The following EYS variants were observed in gnomAD, a reference collection of about 807,000 sequenced individuals.
The protein encoded by EYS is EGF-like photoreceptor maintenance factor, also known as protein eyes shut homolog.
A neutral mutation model predicts 282.1 loss-of-function variants in EYS; 250 were observed. That is an observed-to-expected ratio of 0.89 (90% CI 0.80 to 0.98). The LOEUF is 0.98. Ranked by LOEUF, EYS falls within the 50% of genes least tolerant of loss-of-function variation. The pLI is 0.00. For missense variants in EYS, 4,016 were observed against 3,709.0 expected (o/e 1.08, Z -2.15); for synonymous variants, 1,355 against 1,282.9 (o/e 1.06, Z -1.20).
intron 19 of EYS, among the ~76,000 whole-genome samples, chr6:64,856,038 C>T (rs1307564978): frequency 6.6e-6 from 1 of 152,064 alleles, no homozygotes; most frequent in Admixed American, 6.6e-5. Flanking sequence ...GGGCTTCCAG[C>T]TTTCAACAAT....
chr6:64,538,960 G>T (rs1435262570), intron 26 of EYS, among the ~76,000 whole-genome samples: 1 of 152,132 alleles, frequency 6.6e-6, no homozygotes, highest in African/African-American at 2.4e-5. Flanking sequence ...GAGCCCAGAT[G>T]TGCTCTAAAT....
intron 5 of EYS, among the ~76,000 whole-genome samples, chr6:65,430,415 G>T (rs1417122698): frequency 6.6e-6 from 1 of 152,122 alleles, no homozygotes; most frequent in Non-Finnish European, 1.5e-5. Context: ...ACCTCACACT[G>T]AGGTCCAAAA....
At chr6:63,796,637 A>G (rs889859638) in intron 37 of EYS, among the ~76,000 whole-genome samples, 1 of 152,166 alleles carries the variant, frequency 6.6e-6, no homozygotes, top group Admixed American at 6.5e-5. Context: ...TTATTCCTCT[A>G]AATATGATAA....
intron 35 of EYS, among the ~76,000 whole-genome samples, chr6:63,943,751 C>G (rs532386789): frequency 6.6e-6 from 1 of 152,284 alleles, no homozygotes; most frequent in East Asian, 1.9e-4. Context: ...TAGCATTTCT[C>G]CAGATAGATA....
intron 7 of EYS, among the ~76,000 whole-genome samples, chr6:65,396,603 G>A (rs940300716): frequency 6.6e-6 from 1 of 152,034 alleles, no homozygotes; most frequent in East Asian, 1.9e-4. Context: ...TATTTCTGAC[G>A]GGTATATGAG....
rs372948826 is a variant in EYS, at chr6:64,886,753, T to G, written c.2936A>C (p.Glu979Ala). ...TCCATCAGTCCTGTAGACACAATTT[T>G]CTTCATCTAGACAAGGTGAGATTTT... The part of the protein sequence containing the change: ...KCKISPCLDE[E>A]NCVYRTDGYN... The change falls in exon 19 of 43, where the codon GAA becomes GCA. Residue 979 changes from glutamate (E) to alanine (A), a missense_variant. Coordinates refer to ENST00000503581, the MANE Select transcript of EYS (RefSeq NM_001142800.2). The G allele has an allele frequency of 5.8e-6, 9 of 1,547,962 alleles. No individual in the cohort carries two copies. The East Asian group carries it at 9.8e-5, about 17-fold the overall frequency.
intron 18 of EYS, among the ~76,000 whole-genome samples, chr6:64,892,814 T>C (rs754157045): frequency 1.3e-5 from 2 of 152,110 alleles, no homozygotes; most frequent in Non-Finnish European, 2.9e-5. Context: ...TTGATGACTG[T>C]TTCTAGGCAA....
chr6:64,731,212 G>A (rs1176005079), intron 22 of EYS, among the ~76,000 whole-genome samples: 1 of 152,048 alleles, frequency 6.6e-6, no homozygotes, highest in Non-Finnish European at 1.5e-5. Flanking sequence ...CCAGGACATA[G>A]GCATGGGCAA....
chr6:64,354,664 G>T (rs1422838834), intron 29 of EYS, among the ~76,000 whole-genome samples: 1 of 151,404 alleles, frequency 6.6e-6, no homozygotes, highest in Admixed American at 6.6e-5. Context: ...AATTGTCTCT[G>T]CATACTATGT....
chr6:65,669,710 A>C (rs1768320262), intron 1 of EYS, among the ~76,000 whole-genome samples: 1 of 151,844 alleles, frequency 6.6e-6, no homozygotes, highest in Admixed American at 6.6e-5. Flanking sequence ...ACCTTGTTTC[A>C]TTTTTTCTGT....
At chr6:64,779,151 A>G (rs1028397447) in intron 22 of EYS, among the ~76,000 whole-genome samples, 6 of 152,162 alleles carry the variant, frequency 3.9e-5, no homozygotes, top group Non-Finnish European at 8.8e-5. Flanking sequence ...GAATTTACCA[A>G]AGTAAATTGA....
chr6:63,758,199 G>T (rs1210942291), intron 41 of EYS, among the ~76,000 whole-genome samples: 1 of 152,122 alleles, frequency 6.6e-6, no homozygotes, highest in Non-Finnish European at 1.5e-5. Context: ...TACTGCACCT[G>T]GCTGAGTATT....
chr6:65,388,398 A>T (rs12199275), intron 7 of EYS, among the ~76,000 whole-genome samples: 62,731 of 151,736 alleles, frequency 0.41, 13,974 homozygotes, highest in South Asian at 0.5. Context: ...ATAAATTAAA[A>T]CCGATAAAAG....
At chr6:65,471,381 G>A (rs1765211646) in intron 5 of EYS, among the ~76,000 whole-genome samples, 1 of 151,948 alleles carries the variant, frequency 6.6e-6, no homozygotes, top group Non-Finnish European at 1.5e-5. Flanking sequence ...GGGCAACAAC[G>A]TGAGACCCTG....
intron 33 of EYS, among the ~76,000 whole-genome samples, chr6:64,025,488 G>C (rs959600186): frequency 6.6e-6 from 1 of 152,122 alleles, no homozygotes; most frequent in Non-Finnish European, 1.5e-5. Context: ...CTTCTCTGAG[G>C]TTAGTCCTCC....
In EYS at chr6:64,626,166, C is replaced by A. The variant is rs1247495508; in HGVS notation, c.3523G>T (p.Asp1175Tyr). The part of the protein sequence containing the change: ...CSSSPCLHGA[D>Y]CEDHINGYVC... ...TATCCATTGATGTGATCTTCACAGT[C>A]TGCACCATGTAGACATGGTGATGAA... The change falls in exon 23 of 43, where the codon GAC (aspartate) becomes TAC (tyrosine). Residue 1175 changes from aspartate (D) to tyrosine (Y), a missense_variant. Physicochemically the swap from Asp to Tyr is radical, Grantham distance 160. Transcript: ENST00000503581. 6.5e-7 allele frequency: 1 copy of A among 1,546,444 alleles called. No homozygotes were observed. Among genetic ancestry groups the A allele is most frequent in the African/African-American group, 1.4e-5 (1 of 72,994 alleles).
intron 5 of EYS, among the ~76,000 whole-genome samples, chr6:65,431,568 A>G (rs1767888170): frequency 6.6e-6 from 1 of 152,062 alleles, no homozygotes; most frequent in Admixed American, 6.5e-5. Flanking sequence ...TGAAAACACT[A>G]CATTATTTAT....
At chr6:65,104,679 A>G (rs558103290) in intron 12 of EYS, among the ~76,000 whole-genome samples, 6 of 151,494 alleles carry the variant, frequency 4.0e-5, no homozygotes, top group Admixed American at 2.0e-4. Flanking sequence ...TCACGACCTC[A>G]TCTTGTGTAA....
intron 22 of EYS, among the ~76,000 whole-genome samples, chr6:64,700,745 AC>A (rs1406680610): frequency 6.6e-6 from 1 of 152,044 alleles, no homozygotes; most frequent in Non-Finnish European, 1.5e-5. Flanking sequence ...AATGAAAAAA[AC>A]ATCCCATGAT....
Sources: allele counts gnomAD v4.1 joint callset (sites outside exome capture counted in the v4.1 genomes callset), GRCh38; gene constraint gnomAD v4.1.1; transcripts MANE v1.5; gene names NCBI Gene and HGNC (gene_info 2026-07-23, HGNC 2026-07-21).